Variants in TMCC1 observed in about 807,000 individuals in gnomAD.
TMCC1 encodes transmembrane and coiled-coil domains protein 1.
Under a neutral mutation model 52.4 loss-of-function variants are expected in TMCC1, and 15 were observed. The observed-to-expected ratio is 0.29, with a 90% CI of 0.19 to 0.44. The LOEUF (loss-of-function observed/expected upper bound fraction) is 0.44, where lower values mean the gene tolerates loss of function less well. Among genes scored for constraint, TMCC1 ranks in the 20% least tolerant of loss-of-function variants. The pLI, the probability that TMCC1 is intolerant of heterozygous loss-of-function variation, is 1.00. For synonymous variants in TMCC1, 279 were observed against 301.9 expected (o/e 0.92, Z 0.79); for missense variants, 503 against 806.0 (o/e 0.62, Z 4.55).
intron 4 of TMCC1, among the ~76,000 whole-genome samples, chr3:129,769,007 G>A (rs1378644823): frequency 6.6e-6 from 1 of 152,228 alleles, no homozygotes; most frequent in African/African-American, 2.4e-5. Context: ...AGGGAAGAAA[G>A]TGAGGGGTAA....
chr3:129,863,050 A>G (rs972284256), intron 2 of TMCC1, among the ~76,000 whole-genome samples: 6 of 152,252 alleles, frequency 3.9e-5, no homozygotes, highest in Non-Finnish European at 7.3e-5. Context: ...TGTCTTCTCC[A>G]TATGAATAAT....
At chr3:129,737,481 GAA>G (rs747077023) in intron 4 of TMCC1, among the ~76,000 whole-genome samples, 1 of 137,026 alleles carries the variant, frequency 7.3e-6, no homozygotes, top group Non-Finnish European at 1.6e-5. Flanking sequence ...CTCCATCTCA[GAA>G]AAAAAAAAAA....
intron 4 of TMCC1, among the ~76,000 whole-genome samples, chr3:129,812,081 C>T (rs1400260605): frequency 6.6e-6 from 1 of 151,980 alleles, no homozygotes; most frequent in Non-Finnish European, 1.5e-5. Context: ...GTGGCTCATG[C>T]CTATAATCCC....
chr3:129,670,648 A>C lies in TMCC1; in HGVS notation c.1193T>G (p.Val398Gly). ...TCCCAAAGCCTTCCCCGCATCATCCACTTGCCCTTCCTCTAAAGAGTCCTT... is the reference window on the plus strand; with the variant it reads ...TCCCAAAGCCTTCCCCGCATCATCCCCTTGCCCTTCCTCTAAAGAGTCCTT... The part of the protein sequence containing the change: ...NLKDSLEEGQ[V>G]DDAGKALGVI... The change falls in exon 5 of 7, where the codon GTG becomes GGG. Residue 398 changes from valine to glycine, a missense_variant. Transcript: ENST00000393238. The C allele has an allele frequency of 6.2e-7, 1 of 1,614,156 alleles. No homozygotes were observed. The highest frequency in any genetic ancestry group is 8.5e-7 in the Non-Finnish European group (1 of 1,180,026).
chr3:129,835,345 A>ATATTTTT (rs986152419), intron 2 of TMCC1, among the ~76,000 whole-genome samples: 1 of 151,644 alleles, frequency 6.6e-6, no homozygotes, highest in African/African-American at 2.4e-5. Flanking sequence ...ATATATATAT[A>ATATTTTT]TTTTAATGAC....
chr3:129,759,710 CTTTTTTTTT>C lies in TMCC1; in HGVS notation c.576+68084_576+68092del, dbSNP rs61519484. ...GCATGAGCCACTGCAGCCAGCCAAA[CTTTTTTTTT>C]TTTTTTTTTTTTTTTTTTTTGAGAC... is the stretch of plus-strand genomic sequence containing the variant. On this transcript the variant is annotated intron_variant, in intron 4 of 6. Transcript: ENST00000393238. Among the ~76,000 whole-genome samples the C allele has an allele frequency of 2.4e-4, 9 of 37,218 alleles. No homozygotes were observed. In the East Asian group the frequency reaches 4.6e-3, roughly 19 times the overall value. 24.4% of individuals were successfully genotyped at this position (37,218 alleles called of 152,430 possible).
intron 2 of TMCC1, among the ~76,000 whole-genome samples, chr3:129,833,050 GA>G (rs1215750877): frequency 7.2e-5 from 11 of 151,780 alleles, no homozygotes; most frequent in African/African-American, 1.2e-4. Context: ...AAGTATTCTG[GA>G]AAAAATATTA....
At chr3:129,845,728 T>A (rs1199960311) in intron 2 of TMCC1, among the ~76,000 whole-genome samples, 1 of 152,108 alleles carries the variant, frequency 6.6e-6, no homozygotes, top group African/African-American at 2.4e-5. Flanking sequence ...TAATAGAATG[T>A]CCCCAAAGAG....
intron 6 of TMCC1, among the ~76,000 whole-genome samples, chr3:129,653,145 T>A (rs2086447525): frequency 6.6e-6 from 1 of 152,256 alleles, no homozygotes; most frequent in African/African-American, 2.4e-5. Flanking sequence ...CATTTTTTTT[T>A]AACTGCTGCC....
intron 4 of TMCC1, among the ~76,000 whole-genome samples, chr3:129,774,446 T>C (rs904980502): frequency 2.6e-5 from 4 of 152,188 alleles, no homozygotes; most frequent in African/African-American, 9.6e-5. Context: ...ATGTTAAGAA[T>C]CTAGAAGCTG....
chr3:129,863,293 CA>C (rs1314095587), intron 2 of TMCC1, among the ~76,000 whole-genome samples: 3 of 152,132 alleles, frequency 2.0e-5, no homozygotes, highest in African/African-American at 4.8e-5. Context: ...AGTGTTCCAA[CA>C]AATTACCTTA....
chr3:129,657,917 G>A (rs1259637975), intron 5 of TMCC1, among the ~76,000 whole-genome samples: 1 of 152,138 alleles, frequency 6.6e-6, no homozygotes, highest in Non-Finnish European at 1.5e-5. Flanking sequence ...GAAAAGAAAT[G>A]AAAACTTATT....
intron 2 of TMCC1, among the ~76,000 whole-genome samples, chr3:129,836,732 A>G (rs2059177106): frequency 6.6e-6 from 1 of 152,228 alleles, no homozygotes; most frequent in Admixed American, 6.5e-5. Context: ...AATTCTGACA[A>G]ACTGCTGAAG....
intron 4 of TMCC1, among the ~76,000 whole-genome samples, chr3:129,709,497 A>AAAAAAAAAAAGAG (rs554837910): frequency 3.1e-5 from 2 of 64,074 alleles, no homozygotes; most frequent in African/African-American, 6.7e-5. Flanking sequence ...AAAAAAAAAA[A>AAAAAAAAAAAGAG]AGAGAGAGAG....
chr3:129,703,202 TAAG>T (rs2108977679), intron 4 of TMCC1, among the ~76,000 whole-genome samples: 1 of 152,308 alleles, frequency 6.6e-6, no homozygotes, highest in African/African-American at 2.4e-5. Flanking sequence ...AAAAATTGTT[TAAG>T]AATAGCCATC....
intron 4 of TMCC1, among the ~76,000 whole-genome samples, chr3:129,761,309 C>T (rs1321621922): frequency 3.2e-5 from 4 of 126,846 alleles, no homozygotes; most frequent in Non-Finnish European, 4.7e-5. Flanking sequence ...GCCTGGGCGA[C>T]AGAGCGAGAC....
chr3:129,669,996 T>A (rs905662617), intron 5 of TMCC1, among the ~76,000 whole-genome samples: 3 of 151,710 alleles, frequency 2.0e-5, no homozygotes, highest in African/African-American at 7.3e-5. Flanking sequence ...TTGGGTGATA[T>A]CTTTGATATC....
Position 129,755,033 on chromosome 3 carries a change from G to A in TMCC1, c.576+72770C>T, listed in dbSNP as rs183643901. 5.1e-3 allele frequency among the ~76,000 whole-genome samples: 779 copies of A among 152,098 alleles called. 3 individuals are homozygous for A. The highest frequency in any genetic ancestry group is 8.5e-3 in the Non-Finnish European group (580 of 67,984). The stretch of plus-strand genomic sequence containing the variant: ...GCGGAGGTTGCAGTGAGCCGAGATC[G>A]CACCACTGCACTCCAGCTAGGGCGA... On this transcript the variant is annotated intron_variant, in intron 4 of 6. Coordinates refer to ENST00000393238, the MANE Select transcript of TMCC1 (RefSeq NM_001017395.5).
chr3:129,785,588 C>CAA (rs752189600), intron 4 of TMCC1, among the ~76,000 whole-genome samples: 5 of 123,134 alleles, frequency 4.1e-5, no homozygotes, highest in African/African-American at 2.3e-4. Flanking sequence ...CACACACAAA[C>CAA]ACACACACAC....
Sources: allele counts gnomAD v4.1 joint callset (sites outside exome capture counted in the v4.1 genomes callset), GRCh38; gene constraint gnomAD v4.1.1; transcripts MANE v1.5; gene names NCBI Gene and HGNC (gene_info 2026-07-23, HGNC 2026-07-21).